The following SLC35F4 variants were observed in gnomAD, a reference collection of about 807,000 sequenced individuals.
SLC35F4 encodes the protein solute carrier family 35 member F4.
SLC35F4 carries 24 observed loss-of-function variants against 44.2 expected under a neutral mutation model. That is an observed-to-expected ratio of 0.54 (90% CI 0.39 to 0.76). The LOEUF (loss-of-function observed/expected upper bound fraction) is 0.76, where lower values mean the gene tolerates loss of function less well. Among genes scored for constraint, SLC35F4 ranks in the 30% least tolerant of loss-of-function variants. SLC35F4 has a pLI of 0.00. For missense variants in SLC35F4, 562 were observed against 586.1 expected (o/e 0.96, Z 0.42); for synonymous variants, 238 against 223.6 (o/e 1.06, Z -0.57).
intron 1 of SLC35F4, among the ~76,000 whole-genome samples, chr14:57,805,704 T>C (rs1881237644): frequency 6.6e-6 from 1 of 152,172 alleles, no homozygotes; most frequent in East Asian, 1.9e-4. Context: ...GGATGATCTG[T>C]GCAGCAAACC....
At chr14:57,950,620 T>C (rs1050100159) in intron 1 of SLC35F4, among the ~76,000 whole-genome samples, 3 of 151,950 alleles carry the variant, frequency 2.0e-5, no homozygotes, top group African/African-American at 7.3e-5. Context: ...ATTACCAAAA[T>C]TACTTTTCCA....
intron 1 of SLC35F4, among the ~76,000 whole-genome samples, chr14:57,864,986 C>T (rs1323021626): frequency 6.6e-6 from 1 of 152,102 alleles, no homozygotes; most frequent in Non-Finnish European, 1.5e-5. Flanking sequence ...CGCATGACCT[C>T]GCTTAGCTGG....
chr14:57,968,043 T>G (rs1318406611), intron 1 of SLC35F4, among the ~76,000 whole-genome samples: 1 of 152,196 alleles, frequency 6.6e-6, no homozygotes, highest in African/African-American at 2.4e-5. Context: ...CTTATAACCT[T>G]GAGATCATGA....
rs199740947 is a variant in SLC35F4 at position 57,614,509 on chromosome 14, AGTT to A, written c.104-20388_104-20386del. On this transcript the variant is annotated intron_variant, in intron 1 of 7. Transcript: ENST00000556826. ...ATACATGGTGAGGTTTCATGAGTAA[AGTT>A]GTTATTTCCCAAAGAATAAGAAACA... is the stretch of plus-strand genomic sequence containing the variant. Among the ~76,000 whole-genome samples the A allele has an allele frequency of 8.7e-3, 1,327 of 152,366 alleles. 10 individuals are homozygous for A. Among genetic ancestry groups the A allele is most frequent in the Non-Finnish European group, 0.014 (921 of 68,028 alleles).
At chr14:57,927,171 C>T (rs1889591493) in intron 1 of SLC35F4, among the ~76,000 whole-genome samples, 1 of 152,194 alleles carries the variant, frequency 6.6e-6, no homozygotes, top group Non-Finnish European at 1.5e-5. Flanking sequence ...TGCCAATCTG[C>T]AAGCTGTCCT....
At chr14:57,670,408 T>C (rs1012461579) in intron 1 of SLC35F4, among the ~76,000 whole-genome samples, 5 of 152,112 alleles carry the variant, frequency 3.3e-5, no homozygotes, top group African/African-American at 1.2e-4. Flanking sequence ...TCTCTAGTTC[T>C]TTTAATTGTG....
chr14:57,849,189 T>C (rs937937852), intron 1 of SLC35F4, among the ~76,000 whole-genome samples: 23 of 152,134 alleles, frequency 1.5e-4, no homozygotes, highest in African/African-American at 5.6e-4. Flanking sequence ...AACAATTTTG[T>C]TGTTGTTGTT....
chr14:57,936,198 G>A (rs1889792596), intron 1 of SLC35F4, among the ~76,000 whole-genome samples: 1 of 152,170 alleles, frequency 6.6e-6, no homozygotes, highest in Non-Finnish European at 1.5e-5. Context: ...TGCTAAGCTT[G>A]AAGAACATAA....
chr14:57,584,135 G>A (rs566921677), intron 3 of SLC35F4, among the ~76,000 whole-genome samples: 2 of 152,106 alleles, frequency 1.3e-5, no homozygotes, highest in South Asian at 4.2e-4. Flanking sequence ...TTTCCCCTAA[G>A]AAAACGTCCT....
chr14:57,691,011 G>A (rs1340374581), intron 1 of SLC35F4, among the ~76,000 whole-genome samples: 2 of 152,140 alleles, frequency 1.3e-5, no homozygotes, highest in South Asian at 2.1e-4. Flanking sequence ...CCATGGTATC[G>A]GTTTGTGGCC....
chr14:57,644,344 T>C (rs1312530833), intron 1 of SLC35F4, among the ~76,000 whole-genome samples: 2 of 152,242 alleles, frequency 1.3e-5, no homozygotes, highest in Non-Finnish European at 2.9e-5. Flanking sequence ...ACTGTGGTTT[T>C]GATTTGCATT....
intron 1 of SLC35F4, among the ~76,000 whole-genome samples, chr14:57,901,172 A>G (rs1261677593): frequency 1.3e-5 from 2 of 152,250 alleles, no homozygotes; most frequent in African/African-American, 4.8e-5. Context: ...ATTACTGGGT[A>G]TATATCCAAA....
intron 1 of SLC35F4, among the ~76,000 whole-genome samples, chr14:57,788,959 C>T (rs754010190): frequency 2.0e-5 from 3 of 152,064 alleles, no homozygotes; most frequent in Non-Finnish European, 4.4e-5. Context: ...CTCTTTGAAC[C>T]CAATGAGAAC....
At chr14:57,928,300 C>A (rs1308937355) in intron 1 of SLC35F4, among the ~76,000 whole-genome samples, 1 of 152,154 alleles carries the variant, frequency 6.6e-6, no homozygotes, top group Non-Finnish European at 1.5e-5. Flanking sequence ...TACTTCTATC[C>A]CTGCCAGGTA....
At chr14:57,929,847 C>A (rs969961886) in intron 1 of SLC35F4, among the ~76,000 whole-genome samples, 1 of 152,198 alleles carries the variant, frequency 6.6e-6, no homozygotes, top group African/African-American at 2.4e-5. Context: ...TCCCAACACG[C>A]ATCTAGACCC....
At chr14:57,949,033 T>A (rs987697629) in intron 1 of SLC35F4, among the ~76,000 whole-genome samples, 1 of 152,162 alleles carries the variant, frequency 6.6e-6, no homozygotes, top group Non-Finnish European at 1.5e-5. Context: ...TCTGTAAACA[T>A]GTTAAGTCCA....
chr14:57,826,737 C>A (rs10151956), intron 1 of SLC35F4, among the ~76,000 whole-genome samples: 41 of 151,346 alleles, frequency 2.7e-4, no homozygotes, highest in African/African-American at 9.9e-4. Context: ...ATACATGTGG[C>A]CAGCAAACAT....
chr14:57,867,875 T>A (rs1336084671), upstream of SLC35F4, among the ~76,000 whole-genome samples: 1 of 152,258 alleles, frequency 6.6e-6, no homozygotes, highest in East Asian at 1.9e-4. Flanking sequence ...AACCTTCTGA[T>A]GTAACAGGAA....
intron 2 of SLC35F4, 102 bp from the exon 3 acceptor site, chr14:57,589,615 AC>A: frequency 8.4e-7 from 1 of 1,194,864 alleles, no homozygotes; most frequent in South Asian, 1.6e-5. Context: ...AAAGAGGCAG[AC>A]AGTAGAATTA....
Sources: allele counts gnomAD v4.1 joint callset (sites outside exome capture counted in the v4.1 genomes callset), GRCh38; gene constraint gnomAD v4.1.1; transcripts MANE v1.5; gene names NCBI Gene and HGNC (gene_info 2026-07-23, HGNC 2026-07-21).